Variants in ITPKB observed in about 807,000 individuals in gnomAD.
The protein encoded by ITPKB is IP3 3-kinase B.
ITPKB carries 13 observed loss-of-function variants against 69.4 expected under a neutral mutation model. That is an observed-to-expected ratio of 0.19 (90% CI 0.12 to 0.30). The LOEUF is 0.30. Ranked by LOEUF, ITPKB falls within the 10% of genes least tolerant of loss-of-function variation. The pLI, the probability that ITPKB is intolerant of heterozygous loss-of-function variation, is 1.00. For synonymous variants in ITPKB, 584 were observed against 513.7 expected, an observed-to-expected ratio of 1.14 and a Z score of -1.85; for missense variants, 1,240 against 1,250.5, an observed-to-expected ratio of 0.99 and a Z score of 0.13.
intron 2 of ITPKB, among the ~76,000 whole-genome samples, chr1:226,701,012 G>A (rs1409334777): frequency 1.3e-5 from 2 of 152,210 alleles, no homozygotes; most frequent in African/African-American, 2.4e-5. Context: ...CCAGCAAGCA[G>A]TCAGTCTGAA....
rs548143321 is a variant in ITPKB at position 226,720,547 on chromosome 1, G to A, written c.1932+14980C>T. 2.0e-5 allele frequency among the ~76,000 whole-genome samples: 3 copies of A among 152,276 alleles called. No individual in the cohort carries two copies. In the South Asian group the frequency reaches 6.2e-4, roughly 32 times the overall value. ...TGTCTCATCCTCATCTCTAAAAGGA[G>A]GAAAATAATGAATGCCCTGCAAAAA... On this transcript the variant is annotated intron_variant, in intron 2 of 7. Transcript: ENST00000429204.
chr1:226,718,911 T>C (rs1657161682), intron 2 of ITPKB, among the ~76,000 whole-genome samples: 1 of 152,212 alleles, frequency 6.6e-6, no homozygotes. Context: ...CAAAAATGTG[T>C]ACACGAATGT....
At chr1:226,728,477 A>T (rs74990530) in intron 2 of ITPKB, among the ~76,000 whole-genome samples, 1,906 of 152,332 alleles carry the variant, frequency 0.013, 88 homozygotes, top group East Asian at 0.073. Flanking sequence ...TATCAGACAA[A>T]GTTGGAAGAC....
chr1:226,699,530 T>G (rs1656583111), intron 2 of ITPKB, among the ~76,000 whole-genome samples: 1 of 152,240 alleles, frequency 6.6e-6, no homozygotes, highest in Admixed American at 6.5e-5. Flanking sequence ...AAAATAGATA[T>G]ATTAATAGCA....
At chr1:226,680,429 G>A (rs1656054155) in intron 2 of ITPKB, among the ~76,000 whole-genome samples, 1 of 152,242 alleles carries the variant, frequency 6.6e-6, no homozygotes, top group Non-Finnish European at 1.5e-5. Flanking sequence ...ACAGAAATGT[G>A]TCAGCTCTTT....
In ITPKB at chr1:226,736,308, G is replaced by C. The variant is rs201649438; in HGVS notation, c.1151C>G (p.Ser384Cys). Residue 384 changes from serine to cysteine, a missense_variant, in exon 2 of 8, where the codon TCT (serine) becomes TGT (cysteine). By Grantham distance (112) the Ser-to-Cys change is moderately radical. Around this residue, in one of 2 missense-constraint regions of ITPKB, gnomAD observed 992 missense variants for 853.8 expected, o/e 1.16. Transcript: ENST00000429204. Reference sequence around the variant, plus strand: ...CCTTTTGCCCACTTCAGGCTCCCCAGAGCCCGGCATGCCACAGGGCAGATA... The same window carrying C: ...CCTTTTGCCCACTTCAGGCTCCCCACAGCCCGGCATGCCACAGGGCAGATA... ...KGYLPCGMPG[S>C]GEPEVGKRPE... 1.9e-6 allele frequency: 3 copies of C among 1,609,644 alleles called. No individual in the cohort carries two copies. The highest frequency in any genetic ancestry group is 2.5e-6 in the Non-Finnish European group (3 of 1,178,374).
At chr1:226,667,370 G>A (rs55877886) in intron 2 of ITPKB, among the ~76,000 whole-genome samples, 27,354 of 152,188 alleles carry the variant, frequency 0.18, 2,506 homozygotes, top group Middle Eastern at 0.33. Flanking sequence ...TTGAGAAAGC[G>A]GAAGAGTGCT....
At chr1:226,700,756 A>T (rs1407481785) in intron 2 of ITPKB, among the ~76,000 whole-genome samples, 1 of 152,128 alleles carries the variant, frequency 6.6e-6, no homozygotes, top group East Asian at 1.9e-4. Context: ...CCTGCAGAAC[A>T]CCACCTTCTG....
At chr1:226,728,943 T>C (rs1222988743) in intron 2 of ITPKB, among the ~76,000 whole-genome samples, 1 of 152,214 alleles carries the variant, frequency 6.6e-6, no homozygotes, top group Non-Finnish European at 1.5e-5. Context: ...ACCTTCCAGA[T>C]GGTTCTGTAT....
At chr1:226,638,613 T>C (rs1237696745) in intron 6 of ITPKB, among the ~76,000 whole-genome samples, 1 of 152,084 alleles carries the variant, frequency 6.6e-6, no homozygotes, top group African/African-American at 2.4e-5. Flanking sequence ...CTGGTCCCTG[T>C]GGGCAGAGCA....
intron 2 of ITPKB, among the ~76,000 whole-genome samples, chr1:226,669,635 G>C (rs1669573096): frequency 6.6e-6 from 1 of 152,042 alleles, no homozygotes; most frequent in Admixed American, 6.6e-5. Context: ...AGTATCAAAA[G>C]CAAAGACACC....
intron 2 of ITPKB, among the ~76,000 whole-genome samples, chr1:226,685,589 G>A (rs1030760131): frequency 3.3e-5 from 5 of 152,148 alleles, no homozygotes; most frequent in Admixed American, 1.3e-4. Context: ...GCACCCACAC[G>A]GCATGACCCT....
chr1:226,685,415 C>T (rs1002225377), intron 2 of ITPKB, among the ~76,000 whole-genome samples: 2 of 152,208 alleles, frequency 1.3e-5, no homozygotes, highest in Admixed American at 6.5e-5. Context: ...GGCCATTGCT[C>T]ACGTGGACCT....
chr1:226,736,738 C>G lies in ITPKB; in HGVS notation c.721G>C (p.Ala241Pro). Residue 241 changes from alanine to proline, a missense_variant, in exon 2 of 8, where the codon GCT becomes CCT. By Grantham distance (27) the Ala-to-Pro change is conservative. This residue lies in a region of ITPKB where 992 missense variants were observed against 853.8 expected (regional missense o/e 1.16). Transcript: ENST00000429204. ...TGAGCCTCTGATCCTGTAGGGGCAG[C>G]CCGGCCGGGAAGAGGTGGCATTCCT... ...KKGMPPLPGR[A>P]APTGSEAQGP... 6.2e-7 allele frequency: 1 copy of G among 1,612,756 alleles called. No homozygotes were observed. The highest frequency in any genetic ancestry group is 8.5e-7 in the Non-Finnish European group (1 of 1,179,768).
At chr1:226,689,386 A>G (rs1351489574) in intron 2 of ITPKB, among the ~76,000 whole-genome samples, 1 of 152,172 alleles carries the variant, frequency 6.6e-6, no homozygotes, top group Non-Finnish European at 1.5e-5. Flanking sequence ...AGTGTCCAGG[A>G]TAAAGTTAAT....
chr1:226,687,050 G>A (rs955196838), intron 2 of ITPKB, among the ~76,000 whole-genome samples: 1 of 152,224 alleles, frequency 6.6e-6, no homozygotes, highest in Admixed American at 6.5e-5. Context: ...CTAACGTCCT[G>A]CCTCACTGAT....
At chr1:226,684,363 A>G (rs1050580514) in intron 2 of ITPKB, among the ~76,000 whole-genome samples, 2 of 152,236 alleles carry the variant, frequency 1.3e-5, no homozygotes, top group African/African-American at 4.8e-5. Flanking sequence ...GCCAGGGAGC[A>G]GAGCAGTCAA....
chr1:226,649,290 C>T (rs1017647400), intron 2 of ITPKB, among the ~76,000 whole-genome samples: 14 of 139,144 alleles, frequency 1.0e-4, no homozygotes, highest in East Asian at 4.2e-4. Flanking sequence ...TGTGTGTGTG[C>T]GTGTGTGTGC....
At chr1:226,719,506 A>G (rs1657176278) in intron 2 of ITPKB, among the ~76,000 whole-genome samples, 1 of 150,898 alleles carries the variant, frequency 6.6e-6, no homozygotes, top group Non-Finnish European at 1.5e-5. Flanking sequence ...CCTATTGAGA[A>G]TATCACCTAT....
Sources: allele counts gnomAD v4.1 joint callset (sites outside exome capture counted in the v4.1 genomes callset), GRCh38; gene constraint gnomAD v4.1.1; regional missense constraint gnomAD v4.1.1; transcripts MANE v1.5; gene names NCBI Gene and HGNC (gene_info 2026-07-23, HGNC 2026-07-21).